The following MPI variants were observed in gnomAD, a reference collection of about 807,000 sequenced individuals.
The protein encoded by MPI is mannose-6-phosphate isomerase.
MPI carries 33 observed loss-of-function variants against 40.1 expected under a neutral mutation model. The ratio of observed to expected loss-of-function variants is 0.82; its 90% confidence interval spans 0.62 to 1.10. The LOEUF (loss-of-function observed/expected upper bound fraction) is 1.10, where lower values mean the gene tolerates loss of function less well. Among genes scored for constraint, MPI ranks in the 50% least tolerant of loss-of-function variants. The pLI, the probability that MPI is intolerant of heterozygous loss-of-function variation, is 0.00. For missense variants in MPI, 514 were observed against 524.1 expected (o/e 0.98, Z 0.19); for synonymous variants, 187 against 207.4 (o/e 0.90, Z 0.85).
rs2064853236 is a variant in MPI at position 74,898,241 on chromosome 15, T to G, written c.*511T>G. The G allele has an allele frequency of 4.2e-6, 1 of 238,070 alleles. No homozygotes were observed. The highest frequency in any genetic ancestry group is 8.4e-6 in the Non-Finnish European group (1 of 118,456). 14.7% of individuals were successfully genotyped at this position (238,070 alleles called of 1,614,324 possible). A position where few individuals can be genotyped will look rare whatever the true frequency, so the allele number is the denominator to read the frequency against. On this transcript the variant is annotated 3_prime_UTR_variant, in exon 8 of 8. Coordinates refer to ENST00000352410, the MANE Select transcript of MPI (RefSeq NM_002435.3). The stretch of plus-strand genomic sequence containing the variant: ...CACTTGTGTTGAGGCTGTGGGGTAA[T>G]GAGCACTCAGCCTTTGGGGTACCTG...
rs1215099354 is a variant in MPI at position 74,893,351 on chromosome 15, A to G, written c.670+31A>G. The G allele has an allele frequency of 6.2e-6, 10 of 1,612,500 alleles. 1 individual carries two copies. In the Admixed American group the frequency reaches 1.3e-4, roughly 22 times the overall value. ...CACAGTTATATTCCTGGTTGGGTGC[A>G]ATGCTCTGGCCTGGGCTTCCCAGCA... On this transcript the variant is annotated intron_variant, in intron 5 of 7. Transcript: ENST00000352410.
chr15:74,893,167 G>T lies in MPI; in HGVS notation c.517G>T (p.Asp173Tyr). 2 of 1,614,130 alleles carry T rather than the reference G, an allele frequency of 1.2e-6. No homozygotes were observed. Among genetic ancestry groups the T allele is most frequent in the Non-Finnish European group, 1.7e-6 (2 of 1,180,040 alleles). The change falls in exon 5 of 8, where the codon GAT (aspartate) becomes TAT (tyrosine). Residue 173 changes from aspartate (D) to tyrosine (Y), a missense_variant. Transcript: ENST00000352410. ...GCCTGAGTTTCAGTTCCTGATTGGA[G>T]ATGAGGCAGCAACACACCTGAAGCA... ...KVPEFQFLIG[D>Y]EAATHLKQTM...
chr15:74,896,221 G>A lies in MPI; in HGVS notation c.740G>A (p.Gly247Asp). ...CTACAGCTGCACCAGCAGTACCCAG[G>A]TGATATCGGCTGCTTTGCCATCTAC... ...LLLQLHQQYP[G>D]DIGCFAIYFL... Residue 247 changes from glycine (G) to aspartate (D), a missense_variant, in exon 6 of 8, where the codon GGT becomes GAT. Transcript: ENST00000352410. The A allele has an allele frequency of 6.2e-7, 1 of 1,614,188 alleles. No homozygotes were observed. Among genetic ancestry groups the A allele is most frequent in the Non-Finnish European group, 8.5e-7 (1 of 1,180,028 alleles).
intron 3 of MPI, 40 bp from the exon 4 acceptor site, chr15:74,892,621 G>GT: frequency 6.2e-7 from 1 of 1,612,546 alleles, no homozygotes; most frequent in Non-Finnish European, 8.5e-7. Flanking sequence ...GGTAATGGCT[G>GT]TACCCTCACC....
rs1210252631 is a variant in MPI at position 74,893,217 on chromosome 15, T to C, written c.567T>C (p.Ala189=). 6.2e-7 allele frequency: 1 copy of C among 1,614,100 alleles called. No individual in the cohort carries two copies. The highest frequency in any genetic ancestry group is 1.3e-5 in the African/African-American group (1 of 74,934). The change falls in exon 5 of 8, where the codon GCT becomes GCC. Residue 189 remains alanine (A), a synonymous_variant. Transcript: ENST00000352410. ...AGACCATGAGCCATGACTCCCAGGC[T>C]GTGGCCTCCTCTCTGCAGAGCTGTT... ...LKQTMSHDSQ[A]VASSLQSCFS... is the part of the protein sequence containing the mutation.
In MPI at chr15:74,896,711, C is replaced by T. The variant is rs368463683; in HGVS notation, c.845-300C>T. ...GTTGCCATGGAAGGATGCCACCTTT[C>T]GACTGTTGGCTGCTTATCCACACAT... On this transcript the variant is annotated intron_variant, in intron 6 of 7. Transcript: ENST00000352410. 2.2e-4 allele frequency: 131 copies of T among 608,158 alleles called. 1 individual carries two copies. Among genetic ancestry groups the T allele is most frequent in the South Asian group, 1.4e-3 (72 of 50,834 alleles). 37.7% of individuals were successfully genotyped at this position (608,158 alleles called of 1,614,324 possible).
chr15:74,894,038 CAGTGTGTGTGTGTGTG>C (rs2064767705), intron 5 of MPI, among the ~76,000 whole-genome samples: 1 of 66,762 alleles, frequency 1.5e-5, no homozygotes, highest in South Asian at 3.7e-4. Flanking sequence ...TTTTTCTGTT[CAGTGTGTGTGTGTGTG>C]TGTGTGTGTG....
intron 1 of MPI, 144 bp from the exon 2 acceptor site, chr15:74,890,383 C>G: frequency 9.3e-7 from 1 of 1,073,258 alleles, no homozygotes; most frequent in Non-Finnish European, 1.4e-6. Flanking sequence ...AGGCCTGCAG[C>G]GGAGGGGGGT....
At chr15:74,896,396 AAGG>A (rs1440664472) in intron 6 of MPI, 71 bp downstream of exon 6, 6 of 1,581,452 alleles carry the variant, frequency 3.8e-6, no homozygotes, top group Admixed American at 3.5e-5. Flanking sequence ...TGGACAAAGG[AAGG>A]AGAAGGGTGG....
chr15:74,899,519 C>T lies in MPI; in HGVS notation c.*1789C>T, dbSNP rs537866261. On this transcript the variant is annotated 3_prime_UTR_variant, in exon 8 of 8. Coordinates refer to ENST00000352410, the MANE Select transcript of MPI (RefSeq NM_002435.3). The stretch of plus-strand genomic sequence containing the variant: ...ACTCATGCCGTCCAGTGAAACAGGC[C>T]CGAAAGTGATGCCCAGTGGGAACAG... 6.6e-6 allele frequency: 1 copy of T among 152,160 alleles called. No individual in the cohort carries two copies. Among genetic ancestry groups the T allele is most frequent in the Non-Finnish European group, 1.5e-5 (1 of 68,038 alleles). 9.4% of individuals were successfully genotyped at this position (152,160 alleles called of 1,614,324 possible). A position where few individuals can be genotyped will look rare whatever the true frequency, so the allele number is the denominator to read the frequency against.
At chr15:74,894,593 C>T (rs564701706) in intron 5 of MPI, among the ~76,000 whole-genome samples, 2 of 147,538 alleles carry the variant, frequency 1.4e-5, no homozygotes, top group African/African-American at 5.0e-5. Flanking sequence ...CACTGCACTT[C>T]AGCCGGGGCA....
rs2141223200 is a variant in MPI at position 74,901,396 on chromosome 15, G to A, written c.*3666G>A. 1 of 152,294 alleles carries A rather than the reference G, an allele frequency of 6.6e-6. No individual in the cohort carries two copies. Among genetic ancestry groups the A allele is most frequent in the South Asian group, 2.1e-4 (1 of 4,820 alleles). The allele number at this position is 152,294 out of a possible 1,614,324, so 9.4% of individuals were successfully genotyped here. On this transcript the variant is annotated 3_prime_UTR_variant, in exon 8 of 8. Coordinates refer to ENST00000352410, the MANE Select transcript of MPI (RefSeq NM_002435.3). ...ATATACTCTCCAATTTGTGGGTAGGGGGTGTCACAGCAGAAATTATGCCTA... is the reference window on the plus strand; with the variant it reads ...ATATACTCTCCAATTTGTGGGTAGGAGGTGTCACAGCAGAAATTATGCCTA...
At chr15:74,894,318 A>G (rs2064784573) in intron 5 of MPI, among the ~76,000 whole-genome samples, 1 of 151,766 alleles carries the variant, frequency 6.6e-6, no homozygotes, top group South Asian at 2.1e-4. Flanking sequence ...TCCTGAGCTC[A>G]GGCAATTCAC....
rs758525426 is a variant in MPI, at chr15:74,890,058, G to A, written c.-16G>A. 3.7e-6 allele frequency: 6 copies of A among 1,606,298 alleles called. No homozygotes were observed. The highest frequency in any genetic ancestry group is 4.2e-6 in the Non-Finnish European group (5 of 1,179,944). Reference sequence around the variant, plus strand: ...GGGAAAGGCATACGTGCTTAATCCTGGTGCAGGGGGCGAGCATGGCCGCTC... The same window carrying A: ...GGGAAAGGCATACGTGCTTAATCCTAGTGCAGGGGGCGAGCATGGCCGCTC... On this transcript the variant is annotated 5_prime_UTR_variant, in exon 1 of 8. Transcript: ENST00000352410.
intron 2 of MPI, chr15:74,891,046 C>T: frequency 1.8e-6 from 1 of 571,234 alleles, no homozygotes; most frequent in Non-Finnish European, 3.3e-6. Context: ...GTATGTTAAC[C>T]CCTGAAAGAA....
In MPI at chr15:74,900,353, A is replaced by C. The variant is rs1276260325; in HGVS notation, c.*2623A>C. Reference sequence around the variant, plus strand: ...TCTTCTTCAGGGACAGTTGCAGCTGAATATGCCAGAGCTGATTATTACAAC... The same window carrying C: ...TCTTCTTCAGGGACAGTTGCAGCTGCATATGCCAGAGCTGATTATTACAAC... On this transcript the variant is annotated 3_prime_UTR_variant, in exon 8 of 8. Transcript: ENST00000352410. The C allele has an allele frequency of 6.6e-6, 1 of 152,272 alleles. No individual in the cohort carries two copies. The highest frequency in any genetic ancestry group is 1.5e-5 in the Non-Finnish European group (1 of 68,124). 9.4% of individuals were successfully genotyped at this position (152,272 alleles called of 1,614,324 possible). A position where few individuals can be genotyped will look rare whatever the true frequency, so the allele number is the denominator to read the frequency against.
Position 74,898,215 on chromosome 15 carries a change from TCAC to T in MPI, c.*486_*488del. 3.8e-6 allele frequency: 1 copy of T among 263,840 alleles called. No individual in the cohort carries two copies. Among genetic ancestry groups the T allele is most frequent in the Non-Finnish European group, 7.6e-6 (1 of 132,358 alleles). The allele number at this position is 263,840 out of a possible 1,614,324, so 16.3% of individuals were successfully genotyped here. A position where few individuals can be genotyped will look rare whatever the true frequency, so the allele number is the denominator to read the frequency against. On this transcript the variant is annotated 3_prime_UTR_variant, in exon 8 of 8. Transcript: ENST00000352410. ...CTTGTTCTGTCAAAGCAATTAAAGA[TCAC>T]TTGTGTTGAGGCTGTGGGGTAATGA...
At chr15:74,890,134 G>A in intron 1 of MPI, 45 bp downstream of exon 1, 1 of 1,605,560 alleles carries the variant, frequency 6.2e-7, no homozygotes, top group Non-Finnish European at 8.5e-7. Flanking sequence ...CGTGGAGCGC[G>A]TCCTGGGGAC....
Position 74,897,635 on chromosome 15 carries a change from G to T in MPI, c.1177G>T (p.Gly393Cys). 2 of 1,614,204 alleles carry T rather than the reference G, an allele frequency of 1.2e-6. No individual in the cohort carries two copies. The highest frequency in any genetic ancestry group is 1.7e-6 in the Non-Finnish European group (2 of 1,180,022). ...CCAGACACCAATCCCTCTGCAACGT[G>T]GTGGCGTGCTCTTCATTGGGGCCAA... ...TTQTPIPLQR[G>C]GVLFIGANES... The change falls in exon 8 of 8, where the codon GGT becomes TGT. Residue 393 changes from glycine to cysteine, a missense_variant. Coordinates refer to ENST00000352410, the MANE Select transcript of MPI (RefSeq NM_002435.3).
Sources: allele counts gnomAD v4.1 joint callset (sites outside exome capture counted in the v4.1 genomes callset), GRCh38; gene constraint gnomAD v4.1.1; transcripts MANE v1.5; gene names NCBI Gene and HGNC (gene_info 2026-07-23, HGNC 2026-07-21).